NOL9: variants seen among roughly 807,000 people sequenced by gnomAD.
NOL9 encodes the protein polynucleotide 5'-hydroxyl-kinase NOL9.
Under a neutral mutation model 67.9 loss-of-function variants are expected in NOL9, and 28 were observed. The observed-to-expected ratio is 0.41, with a 90% CI of 0.31 to 0.57. NOL9 has a LOEUF of 0.57. Among genes scored for constraint, NOL9 ranks in the 20% least tolerant of loss-of-function variants. NOL9 has a pLI of 0.25. For synonymous variants in NOL9, 356 were observed against 352.2 expected (o/e 1.01, Z -0.12); for missense variants, 777 against 897.0 (o/e 0.87, Z 1.71).
In NOL9 at chr1:6,548,138, CTTTTTTTTT is replaced by C. The variant is rs201835857; in HGVS notation, c.744+1424_744+1432del. On this transcript the variant is annotated intron_variant, in intron 3 of 11. Transcript: ENST00000377705. ...GGTCCGTGCCATGAGACTTAAAGTT[CTTTTTTTTT>C]TTTTTTTTTTTTTTTTGAGACGGAT... 3.2e-3 allele frequency: 324 copies of C among 101,892 alleles called. 6 individuals are homozygous for C. Among genetic ancestry groups the C allele is most frequent in the African/African-American group, 0.011 (308 of 28,454 alleles). The allele number at this position is 101,892 out of a possible 1,614,324, so 6.3% of individuals were successfully genotyped here. A position where few individuals can be genotyped will look rare whatever the true frequency, so the allele number is the denominator to read the frequency against.
Position 6,526,691 on chromosome 1 carries a change from C to T in NOL9, c.1959+5G>A. Reference sequence around the variant, plus strand: ...TTCCAGGGCTGTGCCCGGGGGAAGGCTCACCTGGCACTTAAGGACACAATG... The same window carrying T: ...TTCCAGGGCTGTGCCCGGGGGAAGGTTCACCTGGCACTTAAGGACACAATG... On this transcript the variant is annotated splice_donor_5th_base_variant and intron_variant, in intron 11 of 11. Coordinates refer to ENST00000377705, the MANE Select transcript of NOL9 (RefSeq NM_024654.5). The T allele has an allele frequency of 6.2e-7, 1 of 1,608,946 alleles. No homozygotes were observed.
At chr1:6,528,642 T>C (rs558097365) in intron 10 of NOL9, among the ~76,000 whole-genome samples, 1 of 152,004 alleles carries the variant, frequency 6.6e-6, no homozygotes, top group South Asian at 2.1e-4. Flanking sequence ...ACAAGATGGG[T>C]TTGGAACGCA....
At chr1:6,541,981 G>A (rs999658561) in intron 5 of NOL9, 54 bp from the exon 6 acceptor site, 12 of 1,149,280 alleles carry the variant, frequency 1.0e-5, no homozygotes, top group Middle Eastern at 2.0e-4. Context: ...GCTTTACTCA[G>A]TAGAAAGGAT....
At chr1:6,536,067 C>G (rs939172656) in intron 6 of NOL9, among the ~76,000 whole-genome samples, 1 of 152,116 alleles carries the variant, frequency 6.6e-6, no homozygotes, top group Non-Finnish European at 1.5e-5. Flanking sequence ...CAGGTGTGGG[C>G]CGGGTGCGGT....
intron 1 of NOL9, among the ~76,000 whole-genome samples, chr1:6,552,102 C>G (rs1570090465): frequency 6.6e-6 from 1 of 152,176 alleles, no homozygotes; most frequent in African/African-American, 2.4e-5. Flanking sequence ...ACCATGAGAA[C>G]ACATGGATAC....
intron 11 of NOL9, 83 bp from the exon 12 acceptor site, chr1:6,526,086 G>T: frequency 8.1e-7 from 1 of 1,239,140 alleles, no homozygotes; most frequent in Non-Finnish European, 1.2e-6. Context: ...CACCTAGAAG[G>T]CAGTGTCATG....
chr1:6,550,728 G>C (rs1158740282), intron 1 of NOL9, 113 bp from the exon 2 acceptor site: 2 of 770,932 alleles, frequency 2.6e-6, no homozygotes, highest in Admixed American at 2.9e-5. Flanking sequence ...TTGTTGCCCA[G>C]GCTGGAGTAC....
chr1:6,548,736 C>G (rs1639475554), intron 3 of NOL9: 3 of 163,484 alleles, frequency 1.8e-5, no homozygotes. Flanking sequence ...AGTTTAGAGA[C>G]AATTTATATT....
At chr1:6,526,673 G>A (rs1638891069) in intron 11 of NOL9, 23 bp downstream of exon 11, 2 of 1,598,552 alleles carry the variant, frequency 1.3e-6, no homozygotes, top group Non-Finnish European at 1.7e-6. Flanking sequence ...TCCTTCCAGG[G>A]CTGTGCCCGG....
At chr1:6,547,691 C>T (rs1255936788) in intron 3 of NOL9, among the ~76,000 whole-genome samples, 2 of 151,820 alleles carry the variant, frequency 1.3e-5, no homozygotes, top group Non-Finnish European at 2.9e-5. Flanking sequence ...CCTATCTCTA[C>T]AAAAACTACA....
chr1:6,532,708 G>A lies in NOL9; in HGVS notation c.1290C>T (p.His430=), dbSNP rs771842191. The A allele has an allele frequency of 1.7e-5, 28 of 1,614,056 alleles. No homozygotes were observed. Among genetic ancestry groups the A allele is most frequent in the African/African-American group, 1.3e-5 (1 of 74,928 alleles). Residue 430 remains histidine, a synonymous_variant, in exon 8 of 12, where the codon CAC becomes CAT. Coordinates refer to ENST00000377705, the MANE Select transcript of NOL9 (RefSeq NM_024654.5). The part of the protein sequence containing the change: ...IDLIRLLSPS[H]VVQFRSDHSK... Reference sequence around the variant, plus strand: ...TGTGGTCAGAGCGGAACTGAACCACGTGGCTGGGAGACAGCAATCGGATCA... The same window carrying A: ...TGTGGTCAGAGCGGAACTGAACCACATGGCTGGGAGACAGCAATCGGATCA...
rs1019156209 is a variant in NOL9, at chr1:6,523,967, G to A, written c.*1887C>T. ...AGCCTTGCTGCAAATGACCTCCAGT[G>A]AGTATAACTGTAAGATACACGAAAG... is the stretch of plus-strand genomic sequence containing the variant. On this transcript the variant is annotated 3_prime_UTR_variant, in exon 12 of 12. Transcript: ENST00000377705. 6.6e-6 allele frequency: 1 copy of A among 152,248 alleles called. No homozygotes were observed. The highest frequency in any genetic ancestry group is 2.4e-5 in the African/African-American group (1 of 41,466). 9.4% of individuals were successfully genotyped at this position (152,248 alleles called of 1,614,324 possible). A position where few individuals can be genotyped will look rare whatever the true frequency, so the allele number is the denominator to read the frequency against.
chr1:6,540,244 TC>T (rs1353468935), intron 6 of NOL9, among the ~76,000 whole-genome samples: 1 of 148,298 alleles, frequency 6.7e-6, no homozygotes, highest in Non-Finnish European at 1.5e-5. Flanking sequence ...TGCCTCAGCC[TC>T]CCAAGTAGCT....
At chr1:6,546,694 G>A (rs1469437730) in intron 3 of NOL9, among the ~76,000 whole-genome samples, 2 of 152,112 alleles carry the variant, frequency 1.3e-5, no homozygotes, top group Admixed American at 6.6e-5. Context: ...TCTCTCTGCT[G>A]CATGGTTACC....
intron 6 of NOL9, chr1:6,541,106 C>T (rs1639281177): frequency 6.7e-6 from 1 of 149,528 alleles, no homozygotes; most frequent in Non-Finnish European, 1.5e-5. Context: ...AACCTCCACC[C>T]CTGGGTTCAT....
Position 6,523,106 on chromosome 1 carries a change from G to A in NOL9, c.*2748C>T, listed in dbSNP as rs1489102421. The A allele has an allele frequency of 6.7e-6, 1 of 149,246 alleles. No homozygotes were observed. The highest frequency in any genetic ancestry group is 1.5e-5 in the Non-Finnish European group (1 of 67,368). 9.2% of individuals were successfully genotyped at this position (149,246 alleles called of 1,614,324 possible). On this transcript the variant is annotated 3_prime_UTR_variant, in exon 12 of 12. Coordinates refer to ENST00000377705, the MANE Select transcript of NOL9 (RefSeq NM_024654.5). The stretch of plus-strand genomic sequence containing the variant: ...AACCCGGGAGGGGAGAGGCTGTAGT[G>A]AGCCAAGGTCGTGCCACTGCACCCC...
intron 9 of NOL9, among the ~76,000 whole-genome samples, chr1:6,529,543 C>A (rs1638972959): frequency 6.7e-6 from 1 of 150,176 alleles, no homozygotes; most frequent in South Asian, 2.1e-4. Flanking sequence ...AGCAGAGATC[C>A]TGCCACCGCA....
At chr1:6,535,751 A>AC (rs1639137872) in intron 6 of NOL9, among the ~76,000 whole-genome samples, 1 of 152,072 alleles carries the variant, frequency 6.6e-6, no homozygotes, top group South Asian at 2.1e-4. Flanking sequence ...ACATGGTGAA[A>AC]CCCCACCTCT....
At position 6,554,477 on chromosome 1, in the gene NOL9, T is replaced by C. The variant is rs1426824828; in HGVS notation, c.26A>G (p.Lys9Arg). 7 of 1,545,772 alleles carry C rather than the reference T, an allele frequency of 4.5e-6. No individual in the cohort carries two copies. In the African/African-American group the frequency reaches 8.5e-5, roughly 19 times the overall value. The part of the protein sequence containing the change: MADSGLLL[K>R]RGSCRSTWLR... The stretch of plus-strand genomic sequence containing the variant: ...CCAAGTGGAACGGCAGGAACCCCGC[T>C]TTAGCAGCAGTCCCGAGTCCGCCAT... Residue 9 changes from lysine to arginine, a missense_variant, in exon 1 of 12, where the codon AAG becomes AGG. This residue lies in a region of NOL9 where 364 missense variants were observed against 344.4 expected (regional missense o/e 1.06). Transcript: ENST00000377705.
Sources: allele counts gnomAD v4.1 joint callset (sites outside exome capture counted in the v4.1 genomes callset), GRCh38; gene constraint gnomAD v4.1.1; regional missense constraint gnomAD v4.1.1; transcripts MANE v1.5; gene names NCBI Gene and HGNC (gene_info 2026-07-23, HGNC 2026-07-21).